The following LRP1B variants were observed in gnomAD, a reference collection of about 807,000 sequenced individuals.
The protein encoded by LRP1B is LDL receptor related protein 1B, also known as low-density lipoprotein receptor-related protein 1B.
Under a neutral mutation model 556.6 loss-of-function variants are expected in LRP1B, and 217 were observed. That is an observed-to-expected ratio of 0.39 (90% confidence interval 0.35 to 0.44). The LOEUF is 0.44. LRP1B is among the 20% of genes least tolerant of loss of function. LRP1B has a pLI of 1.00. For synonymous variants in LRP1B, 2,047 were observed against 1,865.8 expected, an observed-to-expected ratio of 1.10 and a Z score of -2.50; for missense variants, 5,053 against 5,620.8, an observed-to-expected ratio of 0.90 and a Z score of 3.23.
Position 140,297,866 on chromosome 2 carries a change from A to G in LRP1B, c.12909T>C (p.Ala4303=). 1 of 1,614,072 alleles carries G rather than the reference A, an allele frequency of 6.2e-7. No homozygotes were observed. The highest frequency in any genetic ancestry group is 8.5e-7 in the Non-Finnish European group (1 of 1,179,956). ...CQNGGTCIVT[A]GNQPYCHCQP... ...GGCAGTGGCAGTAAGGCTGGTTTCCAGCAGTCACAATGCAGGTTCCTCCAT... is the reference window on the plus strand; with the variant it reads ...GGCAGTGGCAGTAAGGCTGGTTTCCGGCAGTCACAATGCAGGTTCCTCCAT... Residue 4303 remains alanine, a synonymous_variant, in exon 84 of 91, where the codon GCT becomes GCC. Coordinates refer to ENST00000389484, the MANE Select transcript of LRP1B (RefSeq NM_018557.3).
rs757958873 is a variant in LRP1B, at chr2:140,805,402, G to T, written c.5359+8255C>A. On this transcript the variant is annotated intron_variant, in intron 32 of 90. Transcript: ENST00000389484. ...CAGTTCATAGTGAGGATAGCCAATTGCAAGTGATTCTAAGATTTGATGGTT... is the reference window on the plus strand; with the variant it reads ...CAGTTCATAGTGAGGATAGCCAATTTCAAGTGATTCTAAGATTTGATGGTT... 9.2e-5 allele frequency among the ~76,000 whole-genome samples: 14 copies of T among 152,190 alleles called. No individual in the cohort carries two copies. In the Middle Eastern group the frequency reaches 0.01, roughly 111 times the overall value.
At chr2:141,851,572 T>C (rs1227351346) in intron 1 of LRP1B, among the ~76,000 whole-genome samples, 1 of 151,792 alleles carries the variant, frequency 6.6e-6, no homozygotes, top group African/African-American at 2.4e-5. Flanking sequence ...AAACATAAAA[T>C]TAGATTTCCC....
chr2:140,634,972 C>A (rs1453927313), intron 41 of LRP1B, among the ~76,000 whole-genome samples: 2 of 151,946 alleles, frequency 1.3e-5, no homozygotes, highest in Non-Finnish European at 2.9e-5. Context: ...AAAAATGTAA[C>A]AATATCAGTC....
At chr2:141,452,250 G>A (rs552786839) in intron 3 of LRP1B, among the ~76,000 whole-genome samples, 1 of 152,102 alleles carries the variant, frequency 6.6e-6, no homozygotes, top group Non-Finnish European at 1.5e-5. Flanking sequence ...AGTGTGTGAT[G>A]AAAAATGCCT....
rs562791649 is a variant in LRP1B, at chr2:142,054,107, T to G, written c.82+76541A>C. On this transcript the variant is annotated intron_variant, in intron 1 of 90. Coordinates refer to ENST00000389484, the MANE Select transcript of LRP1B (RefSeq NM_018557.3). Reference sequence around the variant, plus strand: ...ATATTTTTATAAGGGCAAATATGTCTTTTAACACGGGAGAAAACATTGAAA... The same window carrying G: ...ATATTTTTATAAGGGCAAATATGTCGTTTAACACGGGAGAAAACATTGAAA... Among the ~76,000 whole-genome samples, 9 of 152,264 alleles carry G rather than the reference T, an allele frequency of 5.9e-5. No individual in the cohort carries two copies. The South Asian group carries it at 1.9e-3, about 32-fold the overall frequency.
rs564427634 is a variant in LRP1B at position 141,106,983 on chromosome 2, G to GT, written c.1014-44711dup. Among the ~76,000 whole-genome samples the GT allele has an allele frequency of 9.9e-3, 1,467 of 147,900 alleles. 21 individuals are homozygous for GT. Among genetic ancestry groups the GT allele is most frequent in the South Asian group, 0.029 (134 of 4,662 alleles). On this transcript the variant is annotated intron_variant, in intron 7 of 90. Coordinates refer to ENST00000389484, the MANE Select transcript of LRP1B (RefSeq NM_018557.3). Reference sequence around the variant, plus strand: ...GTGATATATGCAAGATAAACTAATTGTTTTTTTTTTCTTTGCATTGGTATT... The same window carrying GT: ...GTGATATATGCAAGATAAACTAATTGTTTTTTTTTTTCTTTGCATTGGTATT...
intron 1 of LRP1B, among the ~76,000 whole-genome samples, chr2:142,128,695 G>T (rs770573727): frequency 1.6e-4 from 24 of 152,124 alleles, no homozygotes; most frequent in Non-Finnish European, 2.8e-4. Context: ...TGTGCTATCT[G>T]ATATAGTACT....
chr2:141,798,576 G>A (rs906283929), intron 2 of LRP1B, among the ~76,000 whole-genome samples: 1 of 151,510 alleles, frequency 6.6e-6, no homozygotes, highest in Admixed American at 6.6e-5. Flanking sequence ...GCGTGGTGGT[G>A]GGTGCCTGTA....
intron 1 of LRP1B, among the ~76,000 whole-genome samples, chr2:141,982,546 A>G (rs933506873): frequency 6.6e-6 from 1 of 152,198 alleles, no homozygotes; most frequent in Non-Finnish European, 1.5e-5. Flanking sequence ...CGCTAAAACC[A>G]CAACTAATTT....
intron 2 of LRP1B, among the ~76,000 whole-genome samples, chr2:141,752,881 C>T (rs1489110012): frequency 1.5e-5 from 2 of 136,328 alleles, no homozygotes; most frequent in East Asian, 4.5e-4. Context: ...GAGGTTGAGC[C>T]TACAATGAGT....
chr2:141,348,002 T>C (rs1573839435), intron 3 of LRP1B, among the ~76,000 whole-genome samples: 1 of 152,112 alleles, frequency 6.6e-6, no homozygotes, highest in Admixed American at 6.6e-5. Context: ...GACCAGGTAC[T>C]GAACATCAAT....
chr2:141,772,324 G>A (rs1694927000), intron 2 of LRP1B, among the ~76,000 whole-genome samples: 2 of 152,052 alleles, frequency 1.3e-5, no homozygotes. Context: ...ATCTTAATTT[G>A]TTCCTATTTC....
intron 10 of LRP1B, among the ~76,000 whole-genome samples, chr2:141,052,896 C>A (rs1323615042): frequency 6.6e-6 from 1 of 151,974 alleles, no homozygotes; most frequent in Non-Finnish European, 1.5e-5. Flanking sequence ...CCTCAGCCTC[C>A]CAAAGTGCTG....
intron 21 of LRP1B, among the ~76,000 whole-genome samples, chr2:140,914,911 C>A (rs1694530498): frequency 1.3e-5 from 2 of 152,058 alleles, no homozygotes; most frequent in South Asian, 2.1e-4. Context: ...TCTAGGCACT[C>A]TTTGTACATT....
At chr2:140,884,715 T>C (rs1480341102) in intron 24 of LRP1B, among the ~76,000 whole-genome samples, 13 of 152,196 alleles carry the variant, frequency 8.5e-5, no homozygotes, top group Admixed American at 7.9e-4. Context: ...AAAAAATCTT[T>C]TTTTCTACTT....
At chr2:142,001,899 G>A (rs1051433799) in intron 1 of LRP1B, among the ~76,000 whole-genome samples, 4 of 152,092 alleles carry the variant, frequency 2.6e-5, no homozygotes, top group African/African-American at 9.7e-5. Flanking sequence ...AAAGCGGCAT[G>A]CTCTAATTTA....
chr2:140,605,836 T>C (rs1002421894), intron 41 of LRP1B, among the ~76,000 whole-genome samples: 17 of 152,150 alleles, frequency 1.1e-4, no homozygotes, highest in African/African-American at 4.1e-4. Context: ...TTCAACAAAC[T>C]AGCAATAGAA....
chr2:140,953,146 A>C (rs1289879922), intron 18 of LRP1B, among the ~76,000 whole-genome samples: 2 of 152,158 alleles, frequency 1.3e-5, no homozygotes, highest in African/African-American at 2.4e-5. Flanking sequence ...GCTGGAGTGC[A>C]GTGGCGAGAT....
At chr2:141,775,755 A>G (rs1695046580) in intron 2 of LRP1B, among the ~76,000 whole-genome samples, 1 of 152,164 alleles carries the variant, frequency 6.6e-6, no homozygotes, top group Non-Finnish European at 1.5e-5. Flanking sequence ...ATTATTCTAA[A>G]AACTCTTCTC....
Sources: allele counts gnomAD v4.1 joint callset (sites outside exome capture counted in the v4.1 genomes callset), GRCh38; gene constraint gnomAD v4.1.1; transcripts MANE v1.5; gene names NCBI Gene and HGNC (gene_info 2026-07-23, HGNC 2026-07-21).